CDH23: variants seen among roughly 807,000 people sequenced by gnomAD.
The protein encoded by CDH23 is cadherin-23.
In CDH23, 189 loss-of-function variants were observed where a neutral mutation model predicts 317.1. That is an observed-to-expected ratio of 0.60 (90% CI 0.53 to 0.67). The LOEUF (loss-of-function observed/expected upper bound fraction) is 0.67. Ranked by LOEUF, CDH23 falls within the 30% of genes least tolerant of loss-of-function variation. The probability of loss-of-function intolerance (pLI) is 0.00; values close to 1 mark genes in which losing one functional copy is unlikely to be tolerated. For synonymous variants in CDH23, 1,839 were observed against 1,876.8 expected, an observed-to-expected ratio of 0.98 and a Z score of 0.52; for missense variants, 4,401 against 4,592.4, an observed-to-expected ratio of 0.96 and a Z score of 1.20.
At chr10:71,692,629 C>G (rs1865228346) in intron 20 of CDH23, among the ~76,000 whole-genome samples, 1 of 152,226 alleles carries the variant, frequency 6.6e-6, no homozygotes, top group Admixed American at 6.5e-5. Flanking sequence ...CTAAGCTGCC[C>G]TGTCACCCAC....
intron 3 of CDH23, among the ~76,000 whole-genome samples, chr10:71,507,226 G>C (rs981168828): frequency 1.3e-5 from 2 of 152,170 alleles, no homozygotes; most frequent in Non-Finnish European, 2.9e-5. Flanking sequence ...ATGGGCCTCA[G>C]TTTCCCCATC....
At chr10:71,593,721 C>T (rs1055127709) in intron 9 of CDH23, among the ~76,000 whole-genome samples, 1 of 152,182 alleles carries the variant, frequency 6.6e-6, no homozygotes, top group Non-Finnish European at 1.5e-5. Flanking sequence ...ATCAGGGGAA[C>T]GCAAATGGTA....
intron 38 of CDH23, chr10:71,757,630 C>A (rs1477209168): frequency 6.6e-6 from 1 of 152,204 alleles, no homozygotes; most frequent in Non-Finnish European, 1.5e-5. Context: ...GCAGAGGTAG[C>A]TGCCGACACC....
At chr10:71,678,886 A>G (rs1355281753) in intron 16 of CDH23, among the ~76,000 whole-genome samples, 2 of 152,174 alleles carry the variant, frequency 1.3e-5, no homozygotes, top group Non-Finnish European at 2.9e-5. Flanking sequence ...CAATCAAGAA[A>G]CAAGGTTCCT....
intron 14 of CDH23, among the ~76,000 whole-genome samples, chr10:71,663,212 G>T (rs1863750327): frequency 6.6e-6 from 1 of 152,192 alleles, no homozygotes; most frequent in Admixed American, 6.5e-5. Flanking sequence ...ACCCTTGAAG[G>T]TGTCTTAAGT....
chr10:71,515,309 C>T (rs183977139), intron 6 of CDH23, among the ~76,000 whole-genome samples: 1 of 151,922 alleles, frequency 6.6e-6, no homozygotes, highest in East Asian at 1.9e-4. Context: ...CATATGAACT[C>T]TCCTATCAGC....
intron 55 of CDH23, among the ~76,000 whole-genome samples, chr10:71,803,875 C>T (rs1281396493): frequency 6.8e-6 from 1 of 146,708 alleles, no homozygotes; most frequent in Admixed American, 6.8e-5. Flanking sequence ...ATCCCAGCTA[C>T]TCGGGAGGCT....
At chr10:71,513,428 G>A (rs1854105831) in intron 6 of CDH23, among the ~76,000 whole-genome samples, 2 of 152,298 alleles carry the variant, frequency 1.3e-5, no homozygotes, top group Admixed American at 1.3e-4. Context: ...TGCTTGCATT[G>A]AGGTCACCCT....
intron 38 of CDH23, among the ~76,000 whole-genome samples, chr10:71,744,357 T>C (rs1839806092): frequency 6.6e-6 from 1 of 152,020 alleles, no homozygotes; most frequent in South Asian, 2.1e-4. Context: ...GTGGAATCCA[T>C]AACATTCTAA....
At chr10:71,692,138 AT>A (rs1865206552) in intron 20 of CDH23, among the ~76,000 whole-genome samples, 1 of 152,146 alleles carries the variant, frequency 6.6e-6, no homozygotes, top group African/African-American at 2.4e-5. Context: ...TACTAGCCTT[AT>A]CCCCATTTTC....
At chr10:71,517,572 G>A (rs1174323793) in intron 6 of CDH23, among the ~76,000 whole-genome samples, 1 of 152,078 alleles carries the variant, frequency 6.6e-6, no homozygotes, top group African/African-American at 2.4e-5. Flanking sequence ...GGGGAGATGC[G>A]AGGGGGCTCC....
At chr10:71,438,831 G>A (rs1849740852) in intron 1 of CDH23, among the ~76,000 whole-genome samples, 1 of 152,162 alleles carries the variant, frequency 6.6e-6, no homozygotes, top group Non-Finnish European at 1.5e-5. Context: ...AGATGAACAC[G>A]CCCCAGGCCA....
chr10:71,585,508 C>G (rs1275704416), intron 9 of CDH23, among the ~76,000 whole-genome samples: 2 of 152,194 alleles, frequency 1.3e-5, no homozygotes, highest in Non-Finnish European at 2.9e-5. Flanking sequence ...CCATTTGTAT[C>G]CTGTAGCTCT....
chr10:71,564,660 C>T (rs1857300104), intron 6 of CDH23, among the ~76,000 whole-genome samples: 1 of 152,260 alleles, frequency 6.6e-6, no homozygotes, highest in Admixed American at 6.5e-5. Flanking sequence ...GAGCTGACAT[C>T]TCACGGGAGC....
chr10:71,633,775 C>T (rs1393090670), intron 11 of CDH23, among the ~76,000 whole-genome samples: 2 of 152,148 alleles, frequency 1.3e-5, no homozygotes, highest in African/African-American at 4.8e-5. Context: ...AGAGGGCAGA[C>T]AGTTTGCACG....
intron 14 of CDH23, among the ~76,000 whole-genome samples, chr10:71,666,682 C>T (rs1202460474): frequency 6.6e-6 from 1 of 152,152 alleles, no homozygotes; most frequent in Non-Finnish European, 1.5e-5. Context: ...GAAGCTGGAA[C>T]CCTTGTCCAC....
chr10:71,567,144 G>T (rs1369279248), intron 7 of CDH23, among the ~76,000 whole-genome samples: 1 of 152,210 alleles, frequency 6.6e-6, no homozygotes, highest in African/African-American at 2.4e-5. Context: ...CACTCAAAGG[G>T]ACTTTAAACC....
intron 3 of CDH23, among the ~76,000 whole-genome samples, chr10:71,456,829 G>GAGA (rs1248033223): frequency 6.6e-6 from 1 of 152,238 alleles, no homozygotes. Context: ...CAGAGGCTCA[G>GAGA]AGAGGTTAAG....
chr10:71,618,612 C>T (rs1473321549), intron 11 of CDH23, among the ~76,000 whole-genome samples: 3 of 152,200 alleles, frequency 2.0e-5, no homozygotes, highest in Non-Finnish European at 4.4e-5. Context: ...GGGGCTGCCG[C>T]GGTGGCCTTG....
Sources: gnomAD v4.1 joint callset for allele counts (sites outside exome capture counted in the v4.1 genomes callset) on GRCh38, gnomAD v4.1.1 for gene constraint, MANE v1.5 for transcripts, NCBI Gene and HGNC (gene_info 2026-07-23, HGNC 2026-07-21) for gene names.